Variants in NAALADL2 observed in about 807,000 individuals in gnomAD.
NAALADL2 encodes inactive N-acetylated-alpha-linked acidic dipeptidase-like protein 2.
A neutral mutation model predicts 87.2 loss-of-function variants in NAALADL2; 76 were observed. The ratio of observed to expected loss-of-function variants is 0.87; its 90% CI spans 0.72 to 1.05. The LOEUF (loss-of-function observed/expected upper bound fraction) is 1.05. Among genes scored for constraint, NAALADL2 ranks in the 50% least tolerant of loss-of-function variants. The pLI, the probability that NAALADL2 is intolerant of heterozygous loss-of-function variation, is 0.00. For synonymous variants in NAALADL2, 354 were observed against 331.0 expected (o/e 1.07, Z -0.75); for missense variants, 1,089 against 945.8 (o/e 1.15, Z -1.99).
rs142993331 is a variant in NAALADL2, at chr3:175,351,685, A to G, written c.1090+27360A>G. On this transcript the variant is annotated intron_variant, in intron 5 of 13. Transcript: ENST00000454872. Reference sequence around the variant, plus strand: ...GTGTGGCAATCAGTAGGTCACAACCAGCGAATTGCGATATCTTCAGGGTAT... The same window carrying G: ...GTGTGGCAATCAGTAGGTCACAACCGGCGAATTGCGATATCTTCAGGGTAT... 3.9e-3 allele frequency among the ~76,000 whole-genome samples: 592 copies of G among 152,224 alleles called. 2 individuals carry two copies. Among genetic ancestry groups the G allele is most frequent in the African/African-American group, 0.014 (573 of 41,548 alleles).
intron 5 of NAALADL2, among the ~76,000 whole-genome samples, chr3:175,348,772 CTT>C (rs1335359560): frequency 6.6e-6 from 1 of 152,190 alleles, no homozygotes; most frequent in African/African-American, 2.4e-5. Flanking sequence ...TGCAAAGACT[CTT>C]TTTCTTAAGA....
At chr3:175,353,377 G>A (rs1040801142) in intron 5 of NAALADL2, among the ~76,000 whole-genome samples, 31 of 152,084 alleles carry the variant, frequency 2.0e-4, no homozygotes, top group Admixed American at 1.6e-3. Flanking sequence ...ATTAGTATTC[G>A]TTCAGCACAT....
chr3:174,947,771 CAT>C (rs1484090619), intron 1 of NAALADL2, among the ~76,000 whole-genome samples: 7 of 151,958 alleles, frequency 4.6e-5, no homozygotes, highest in Non-Finnish European at 5.9e-5. Flanking sequence ...CACACATACA[CAT>C]ATGTGCACAC....
At chr3:174,995,783 A>G (rs1317533689) in intron 1 of NAALADL2, among the ~76,000 whole-genome samples, 2 of 147,082 alleles carry the variant, frequency 1.4e-5, no homozygotes, top group African/African-American at 5.2e-5. Flanking sequence ...TTACGCTATT[A>G]CTGAAAAAAA....
intron 5 of NAALADL2, among the ~76,000 whole-genome samples, chr3:175,371,414 C>T (rs542333420): frequency 7.8e-4 from 119 of 152,106 alleles, no homozygotes; most frequent in African/African-American, 2.6e-3. Flanking sequence ...ATTACAGGCG[C>T]CCGCCACCGC....
chr3:175,519,830 T>G (rs1336121869), intron 9 of NAALADL2, among the ~76,000 whole-genome samples: 1 of 152,226 alleles, frequency 6.6e-6, no homozygotes, highest in East Asian at 1.9e-4. Flanking sequence ...GTTATCCACA[T>G]TACATTCATA....
intron 2 of NAALADL2, among the ~76,000 whole-genome samples, chr3:174,671,654 C>A (rs1726548170): frequency 6.6e-6 from 1 of 152,010 alleles, no homozygotes; most frequent in Admixed American, 6.6e-5. Context: ...TATGAGTAAA[C>A]AGATTTCATA....
chr3:175,111,858 G>A (rs1004197576), intron 2 of NAALADL2, among the ~76,000 whole-genome samples: 1 of 151,514 alleles, frequency 6.6e-6, no homozygotes, highest in Non-Finnish European at 1.5e-5. Context: ...ACTTGAAATC[G>A]GGGGAATTTA....
intron 2 of NAALADL2, among the ~76,000 whole-genome samples, chr3:175,199,755 C>G: frequency 7.5e-6 from 1 of 133,760 alleles, no homozygotes; most frequent in African/African-American, 2.8e-5. Context: ...TCCAGGAAAA[C>G]TGATTGATTT....
chr3:175,133,938 C>G (rs563859891), intron 2 of NAALADL2, among the ~76,000 whole-genome samples: 1 of 152,250 alleles, frequency 6.6e-6, no homozygotes, highest in African/African-American at 2.4e-5. Flanking sequence ...TTCCCCAAAT[C>G]AAGCAACTAG....
At chr3:175,646,054 A>G (rs1729961574) in intron 11 of NAALADL2, among the ~76,000 whole-genome samples, 1 of 152,164 alleles carries the variant, frequency 6.6e-6, no homozygotes, top group African/African-American at 2.4e-5. Flanking sequence ...ACCTTAAACT[A>G]GAAATCTAGC....
At position 175,751,351 on chromosome 3, in the gene NAALADL2, T is replaced by TA. The variant is rs546051790; in HGVS notation, c.1991-3868dup. Among the ~76,000 whole-genome samples the TA allele has an allele frequency of 1.1e-4, 16 of 152,128 alleles. No homozygotes were observed. The South Asian group carries it at 3.3e-3, about 32-fold the overall frequency. ...ATATGAGAAGGAATATGGAATATGATACATTGGGTTGGAGGGGCACAGGTT... is the reference window on the plus strand; with the variant it reads ...ATATGAGAAGGAATATGGAATATGATAACATTGGGTTGGAGGGGCACAGGTT... On this transcript the variant is annotated intron_variant, in intron 12 of 13. Transcript: ENST00000454872.
At chr3:175,134,663 A>G (rs960700543) in intron 2 of NAALADL2, among the ~76,000 whole-genome samples, 1 of 151,824 alleles carries the variant, frequency 6.6e-6, no homozygotes, top group Non-Finnish European at 1.5e-5. Flanking sequence ...GCTCTTTTGA[A>G]GACTAAGGGT....
intron 10 of NAALADL2, among the ~76,000 whole-genome samples, chr3:175,622,499 T>A (rs937290186): frequency 6.6e-6 from 1 of 152,226 alleles, no homozygotes; most frequent in Middle Eastern, 3.4e-3. Context: ...TATCTGGAAC[T>A]GACTGTCAAC....
chr3:175,306,424 A>G (rs946985726), intron 4 of NAALADL2, among the ~76,000 whole-genome samples: 4 of 152,198 alleles, frequency 2.6e-5, no homozygotes, highest in African/African-American at 9.6e-5. Context: ...ACAGGTGGAC[A>G]TTCCTCCTAC....
chr3:175,183,911 A>AAATG (rs1347155192), intron 2 of NAALADL2, among the ~76,000 whole-genome samples: 2 of 152,104 alleles, frequency 1.3e-5, no homozygotes, highest in Admixed American at 1.3e-4. Context: ...ATTATATTTA[A>AAATG]AAACAAACTT....
At chr3:175,342,820 T>A (rs1010540500) in intron 5 of NAALADL2, among the ~76,000 whole-genome samples, 1 of 152,096 alleles carries the variant, frequency 6.6e-6, no homozygotes, top group African/African-American at 2.4e-5. Context: ...CAGATACAGC[T>A]TTTCATCATG....
At chr3:175,613,875 A>G (rs1257494310) in intron 10 of NAALADL2, among the ~76,000 whole-genome samples, 2 of 152,206 alleles carry the variant, frequency 1.3e-5, no homozygotes, top group African/African-American at 4.8e-5. Flanking sequence ...TTTTCAATTC[A>G]TGTTATAGAA....
chr3:174,727,727 C>A lies in NAALADL2; in HGVS notation c.-114-9914C>A, dbSNP rs187437324. On this transcript the variant is annotated intron_variant, in intron 2 of 3. Transcript: ENST00000434257. ...GATGAACCAATGTTGACACTTCACT[C>A]TCAACCAAAGTCCATAGCCTGCATT... 1.7e-4 allele frequency among the ~76,000 whole-genome samples: 26 copies of A among 152,216 alleles called. No homozygotes were observed. In the East Asian group the frequency reaches 5.0e-3, roughly 29 times the overall value.
Sources: gnomAD v4.1 joint callset for allele counts (sites outside exome capture counted in the v4.1 genomes callset) on GRCh38, gnomAD v4.1.1 for gene constraint, MANE v1.5 for transcripts, NCBI Gene and HGNC (gene_info 2026-07-23, HGNC 2026-07-21) for gene names.